GALNT8: variants seen among roughly 807,000 people sequenced by gnomAD.
GALNT8 encodes polypeptide N-acetylgalactosaminyltransferase 8, also known as probable polypeptide N-acetylgalactosaminyltransferase 8.
GALNT8 carries 66 observed loss-of-function variants against 62.7 expected under a neutral mutation model. That is an observed-to-expected ratio of 1.05 (90% CI 0.86 to 1.29). The LOEUF (loss-of-function observed/expected upper bound fraction) is 1.29. GALNT8 is among the 50% of genes most tolerant of loss of function. GALNT8 has a pLI of 0.00. For synonymous variants in GALNT8, 288 were observed against 294.3 expected, an observed-to-expected ratio of 0.98 and a Z score of 0.22; for missense variants, 771 against 791.8, an observed-to-expected ratio of 0.97 and a Z score of 0.32.
At chr12:4,751,334 A>C (rs946535410) in intron 6 of GALNT8, among the ~76,000 whole-genome samples, 1 of 152,136 alleles carries the variant, frequency 6.6e-6, no homozygotes, top group African/African-American at 2.4e-5. Flanking sequence ...TTGCTTTTCT[A>C]GTTCTTTAAG....
chr12:4,736,534 A>G (rs549241908), intron 2 of GALNT8, among the ~76,000 whole-genome samples: 1 of 152,108 alleles, frequency 6.6e-6, no homozygotes, highest in African/African-American at 2.4e-5. Flanking sequence ...TAAGTGGCTT[A>G]TGATGACCCA....
intron 5 of GALNT8, among the ~76,000 whole-genome samples, chr12:4,745,892 C>A (rs71579266): frequency 1.3e-5 from 2 of 152,144 alleles, no homozygotes; most frequent in African/African-American, 4.8e-5. Flanking sequence ...CCATTTCAAG[C>A]TTTAGCAGAC....
chr12:4,770,732 C>A (rs560036925), intron 10 of GALNT8, among the ~76,000 whole-genome samples: 1 of 152,114 alleles, frequency 6.6e-6, no homozygotes, highest in Non-Finnish European at 1.5e-5. Context: ...CACTCAAACA[C>A]GGAATCTTAA....
At chr12:4,768,195 A>G (rs1946408130) in intron 10 of GALNT8, among the ~76,000 whole-genome samples, 1 of 152,202 alleles carries the variant, frequency 6.6e-6, no homozygotes, top group South Asian at 2.1e-4. Context: ...TACACATTTT[A>G]AAATTGCTAT....
chr12:4,739,914 G>A lies in GALNT8; in HGVS notation c.676+585G>A, dbSNP rs1391990160. The stretch of plus-strand genomic sequence containing the variant: ...GATCTCCTGACCTCGTGATCCGCCC[G>A]CCTCGGCCTCTGAAAGTGCTGAGAT... On this transcript the variant is annotated intron_variant, in intron 3 of 10. Coordinates refer to ENST00000252318, the MANE Select transcript of GALNT8 (RefSeq NM_017417.2). Among the ~76,000 whole-genome samples, 5 of 151,976 alleles carry A rather than the reference G, an allele frequency of 3.3e-5. No homozygotes were observed. In the South Asian group the frequency reaches 6.2e-4, roughly 19 times the overall value.
At chr12:4,770,438 A>G (rs534287042) in intron 10 of GALNT8, among the ~76,000 whole-genome samples, 1 of 152,242 alleles carries the variant, frequency 6.6e-6, no homozygotes, top group Non-Finnish European at 1.5e-5. Context: ...TGTCATGTGG[A>G]AGTTGAGTGG....
At position 4,747,878 on chromosome 12, in the gene GALNT8, A is replaced by G. The variant is rs909886529; in HGVS notation, c.1173+1620A>G. On this transcript the variant is annotated intron_variant, in intron 6 of 10. Transcript: ENST00000252318. The stretch of plus-strand genomic sequence containing the variant: ...CCCTTTTCTCCACATCCTCTCCAGC[A>G]TTGTTATTGCCTGTCTTTTGGATAT... 2.0e-5 allele frequency among the ~76,000 whole-genome samples: 3 copies of G among 151,816 alleles called. 1 individual carries two copies. The highest frequency in any genetic ancestry group is 7.3e-5 in the African/African-American group (3 of 41,216).
chr12:4,760,341 C>T (rs753992896), intron 6 of GALNT8, among the ~76,000 whole-genome samples: 20 of 152,216 alleles, frequency 1.3e-4, no homozygotes, highest in Non-Finnish European at 2.5e-4. Context: ...GACAGCATGG[C>T]AGCTTCCTTC....
chr12:4,728,197 TA>T (rs913314816), intron 2 of GALNT8, among the ~76,000 whole-genome samples: 10 of 109,910 alleles, frequency 9.1e-5, no homozygotes, highest in African/African-American at 3.5e-4. Flanking sequence ...GACGTTCTTT[TA>T]AAAAAAAATT....
intron 2 of GALNT8, among the ~76,000 whole-genome samples, chr12:4,730,912 A>C (rs1335950936): frequency 4.0e-5 from 6 of 149,482 alleles, no homozygotes; most frequent in Admixed American, 6.7e-5. Flanking sequence ...TCGCCCAGCA[A>C]TCTCGGCTCA....
intron 1 of GALNT8, among the ~76,000 whole-genome samples, 154 bp downstream of exon 1, chr12:4,721,042 A>G (rs71579263): frequency 6.6e-6 from 1 of 152,110 alleles, no homozygotes; most frequent in Non-Finnish European, 1.5e-5. Context: ...TGTGCCTTCA[A>G]ATGGGAGATG....
At position 4,744,720 on chromosome 12, in the gene GALNT8, GTTC is replaced by G. The variant is rs1331812822; in HGVS notation, c.860+25_860+27del. 1 of 1,568,174 alleles carries G rather than the reference GTTC, an allele frequency of 6.4e-7. No homozygotes were observed. ...TGGGTGGTAAGGCTCAAAGAGGCTA[GTTC>G]TTCTGGAAAGGGCAGAGAGGAGATA... On this transcript the variant is annotated intron_variant, in intron 4 of 10. Coordinates refer to ENST00000252318, the MANE Select transcript of GALNT8 (RefSeq NM_017417.2).
chr12:4,763,362 CA>C lies in GALNT8; in HGVS notation c.1470del (p.Leu491SerfsTer10). The C allele has an allele frequency of 6.2e-7, 1 of 1,612,910 alleles. No individual in the cohort carries two copies. The highest frequency in any genetic ancestry group is 8.5e-7 in the Non-Finnish European group (1 of 1,178,910). The stretch of plus-strand genomic sequence containing the variant: ...AAAAATGTTTATCCACTCTTGAAGC[CA>C]CTCCACACCATCGTGGGCTATGGAA... Reference protein sequence around the residue: ...YLKNVYPLLKPLHTIVGYGRM... With the variant: ...YLKNVYPLLKXLHTIVGYGRM... On this transcript the variant is annotated frameshift_variant, in exon 8 of 11. Coordinates refer to ENST00000252318, the MANE Select transcript of GALNT8 (RefSeq NM_017417.2). LOFTEE classifies it high-confidence loss of function.
Position 4,744,592 on chromosome 12 carries a change from G to A in GALNT8, c.752G>A (p.Arg251Gln), listed in dbSNP as rs763575305. 16 of 1,612,764 alleles carry A rather than the reference G, an allele frequency of 9.9e-6. No individual in the cohort carries two copies. The South Asian group carries it at 1.1e-4, about 11-fold the overall frequency. ...TATCCAGGACTACTGAAAATAATAC[G>A]GCATCCTGAAAGGAAAGGTCTTGCT... ...QKYPGLLKII[R>Q]HPERKGLAQA... Residue 251 changes from arginine (R) to glutamine (Q), a missense_variant, in exon 4 of 11, where the codon CGG (arginine) becomes CAG (glutamine). Arg to Gln is a conservative substitution (Grantham distance 43). Coordinates refer to ENST00000252318, the MANE Select transcript of GALNT8 (RefSeq NM_017417.2).
intron 6 of GALNT8, among the ~76,000 whole-genome samples, chr12:4,757,058 G>T (rs7976011): frequency 0.39 from 58,646 of 152,000 alleles, 11,578 homozygotes; most frequent in Admixed American, 0.44. Context: ...TTCCTCCTGC[G>T]TTCATTCTCC....
intron 9 of GALNT8, 152 bp from the exon 10 acceptor site, chr12:4,765,227 T>C (rs951735061): frequency 1.8e-6 from 1 of 570,712 alleles, no homozygotes; most frequent in African/African-American, 1.9e-5. Context: ...GGTTGCTTCA[T>C]GTTGTCCAGG....
At chr12:4,735,483 A>G (rs556670261) in intron 2 of GALNT8, among the ~76,000 whole-genome samples, 1 of 152,278 alleles carries the variant, frequency 6.6e-6, no homozygotes, top group East Asian at 1.9e-4. Context: ...CACCCCAGGA[A>G]GGGCAGGCCA....
At chr12:4,732,465 T>G (rs929662074) in intron 2 of GALNT8, among the ~76,000 whole-genome samples, 1 of 43,484 alleles carries the variant, frequency 2.3e-5, no homozygotes, top group Non-Finnish European at 5.5e-5. Context: ...TAAATGTAAA[T>G]TAATTAAAAT....
intron 2 of GALNT8, among the ~76,000 whole-genome samples, chr12:4,730,403 G>A (rs909812297): frequency 2.6e-5 from 4 of 151,978 alleles, no homozygotes; most frequent in African/African-American, 9.7e-5. Context: ...GTGTGAGATA[G>A]GGTTCAGTAT....
Sources: allele counts gnomAD v4.1 joint callset (sites outside exome capture counted in the v4.1 genomes callset), GRCh38; gene constraint gnomAD v4.1.1; transcripts MANE v1.5; gene names NCBI Gene and HGNC (gene_info 2026-07-23, HGNC 2026-07-21).